Variants in MCF2L observed in about 807,000 individuals in gnomAD.
MCF2L encodes MCF.2 cell line derived transforming sequence like.
In MCF2L, 97 loss-of-function variants were observed where a neutral mutation model predicts 153.4. The observed-to-expected ratio is 0.63, with a 90% confidence interval of 0.54 to 0.75. MCF2L has a LOEUF of 0.75. Ranked by LOEUF, MCF2L falls within the 30% of genes least tolerant of loss-of-function variation. MCF2L has a pLI of 0.00. For synonymous variants in MCF2L, 659 were observed against 632.2 expected (o/e 1.04, Z -0.64); for missense variants, 1,347 against 1,495.2 (o/e 0.90, Z 1.64).
chr13:113,041,404 G>A (rs1433578149), intron 3 of MCF2L, among the ~76,000 whole-genome samples: 2 of 152,206 alleles, frequency 1.3e-5, no homozygotes, highest in African/African-American at 4.8e-5. Context: ...GGGGGGGCGG[G>A]GAATCACGTG....
chr13:113,066,391 C>G (rs2032364882), intron 8 of MCF2L, among the ~76,000 whole-genome samples: 1 of 152,178 alleles, frequency 6.6e-6, no homozygotes, highest in Middle Eastern at 3.2e-3. Flanking sequence ...CACAGAAAGC[C>G]ACTGTTTTGG....
At position 113,076,061 on chromosome 13, in the gene MCF2L, A is replaced by G; in HGVS notation, c.1404A>G (p.Glu468=). The change falls in exon 12 of 30, where the codon GAA becomes GAG. Residue 468 remains glutamate (E), a synonymous_variant. Coordinates refer to ENST00000535094, the MANE Select transcript of MCF2L (RefSeq NM_001112732.3). ...ACGGCGCGGAGGCTGCCCTCCAGGA[A>G]ATCGAGAAGTTTTTGGAGACCGGTG... The part of the protein sequence containing the change: ...SQDGAEAALQ[E]IEKFLETGAE... The G allele has an allele frequency of 6.2e-7, 1 of 1,614,064 alleles. No individual in the cohort carries two copies. The highest frequency in any genetic ancestry group is 8.5e-7 in the Non-Finnish European group (1 of 1,180,014).
chr13:113,082,913 T>G (rs1474667279), intron 17 of MCF2L, among the ~76,000 whole-genome samples: 1 of 152,180 alleles, frequency 6.6e-6, no homozygotes, highest in Non-Finnish European at 1.5e-5. Context: ...AGGTGTGTAT[T>G]CGGCCCTTTA....
At chr13:113,038,807 A>G (rs377193615) in intron 3 of MCF2L, among the ~76,000 whole-genome samples, 1 of 152,220 alleles carries the variant, frequency 6.6e-6, no homozygotes, top group East Asian at 1.9e-4. Flanking sequence ...GCAGCACAGA[A>G]TATTGAATCC....
Position 113,078,369 on chromosome 13 carries a change from G to T in MCF2L, c.1667G>T (p.Arg556Leu), listed in dbSNP as rs368347132. The change falls in exon 14 of 30, where the codon CGG becomes CTG. Residue 556 changes from arginine to leucine, a missense_variant. By Grantham distance (102) the Arg-to-Leu change is moderately radical. This residue lies in a region of MCF2L where 820 missense variants were observed against 921.2 expected (regional missense o/e 0.89). Transcript: ENST00000535094. ...CTCCCCTTCTTCCCAACAGGCATTCGGCGAGGCTCTGAGAACTCCAGCTCC... is the reference window on the plus strand; with the variant it reads ...CTCCCCTTCTTCCCAACAGGCATTCTGCGAGGCTCTGAGAACTCCAGCTCC... ...AKSPCPSPGI[R>L]RGSENSSSEG... The T allele has an allele frequency of 6.2e-7, 1 of 1,613,156 alleles. No individual in the cohort carries two copies. The highest frequency in any genetic ancestry group is 1.3e-5 in the African/African-American group (1 of 74,932).
chr13:113,089,007 C>T (rs1188186728), intron 25 of MCF2L, among the ~76,000 whole-genome samples: 2 of 152,244 alleles, frequency 1.3e-5, no homozygotes, highest in South Asian at 2.1e-4. Context: ...GTGGCTTCGT[C>T]GTGTCTCTTC....
At chr13:113,033,219 G>T (rs112287892) in intron 3 of MCF2L, among the ~76,000 whole-genome samples, 131 of 59,204 alleles carry the variant, frequency 2.2e-3, no homozygotes, top group Middle Eastern at 0.01. Context: ...CCCGTGACAT[G>T]AGTGGCCCCC....
Position 113,022,422 on chromosome 13 carries a change from GC to G in MCF2L, c.164-2219del, listed in dbSNP as rs544189617. Among the ~76,000 whole-genome samples, 442 of 115,612 alleles carry G rather than the reference GC, an allele frequency of 3.8e-3. 2 individuals are homozygous for G. The highest frequency in any genetic ancestry group is 3.9e-3 in the Non-Finnish European group (236 of 60,092). 75.8% of individuals were successfully genotyped at this position (115,612 alleles called of 152,430 possible). On this transcript the variant is annotated intron_variant, in intron 2 of 29. Transcript: ENST00000535094. ...CAGGGGTCCTCATGCCGTGGCCCAT[GC>G]CCATTTGCACAGGGACGCAGGGGGT... is the stretch of plus-strand genomic sequence containing the variant.
intron 1 of MCF2L, among the ~76,000 whole-genome samples, chr13:112,974,413 T>C (rs2082150604): frequency 6.6e-6 from 1 of 152,092 alleles, no homozygotes; most frequent in African/African-American, 2.4e-5. Context: ...GCCAACCTCA[T>C]TGGATGAGTT....
At chr13:112,985,534 G>A (rs1018405723) in intron 1 of MCF2L, 14 of 460,110 alleles carry the variant, frequency 3.0e-5, no homozygotes, top group Middle Eastern at 3.3e-4. Flanking sequence ...CGGAGCAGTC[G>A]AGGCGGCCTC....
intron 3 of MCF2L, chr13:113,043,715 T>C (rs1458706911): frequency 6.6e-6 from 1 of 152,252 alleles, no homozygotes; most frequent in African/African-American, 2.4e-5. Context: ...TTCTTTCTTT[T>C]TTTGAGACAG....
chr13:113,053,402 C>T lies in MCF2L; in HGVS notation c.370-7191C>T, dbSNP rs544595182. Among the ~76,000 whole-genome samples the T allele has an allele frequency of 1.3e-5, 2 of 152,294 alleles. No homozygotes were observed. Among genetic ancestry groups the T allele is most frequent in the South Asian group, 4.1e-4 (2 of 4,828 alleles). On this transcript the variant is annotated intron_variant, in intron 4 of 29. Coordinates refer to ENST00000535094, the MANE Select transcript of MCF2L (RefSeq NM_001112732.3). The surrounding 1 kb of genome is among the most constrained non-coding windows in gnomAD (Gnocchi z 4.4). Reference sequence around the variant, plus strand: ...TATGGAATATCCTTTCATCTGGTTTCCTTGTAATTAGGTTCCACGTGGTCC... The same window carrying T: ...TATGGAATATCCTTTCATCTGGTTTTCTTGTAATTAGGTTCCACGTGGTCC...
rs1172459177 is a variant in MCF2L, at chr13:113,031,455, T to A, written c.278+6697T>A. Among the ~76,000 whole-genome samples the A allele has an allele frequency of 6.6e-6, 1 of 150,962 alleles. No individual in the cohort carries two copies. Among genetic ancestry groups the A allele is most frequent in the Non-Finnish European group, 1.5e-5 (1 of 67,724 alleles). ...GGGGGCAGGACAGAGTGCCGGGGAG[T>A]CGGGGGCTGTAGGGACAGAGTCTGG... On this transcript the variant is annotated intron_variant, in intron 3 of 29. Coordinates refer to ENST00000535094, the MANE Select transcript of MCF2L (RefSeq NM_001112732.3). This position sits in a 1 kb window ranked among gnomAD's most constrained non-coding sequence, Gnocchi z 5.5.
Position 112,979,296 on chromosome 13 carries a change from G to A in MCF2L, c.79+9838G>A, listed in dbSNP as rs2082318184. ...GCCCACGCAAGCCCCCGCCCTGTTCGAGGAAGGAAAGGCCCAGAACTTGCA... is the reference window on the plus strand; with the variant it reads ...GCCCACGCAAGCCCCCGCCCTGTTCAAGGAAGGAAAGGCCCAGAACTTGCA... On this transcript the variant is annotated intron_variant, in intron 1 of 29. Transcript: ENST00000535094. The A allele has an allele frequency of 5.3e-6, 6 of 1,135,124 alleles. No individual in the cohort carries two copies. The South Asian group carries it at 1.0e-4, about 19-fold the overall frequency. 70.3% of individuals were successfully genotyped at this position (1,135,124 alleles called of 1,614,324 possible).
At chr13:113,087,619 A>G in intron 22 of MCF2L, 88 bp from the exon 23 acceptor site, 9 of 1,247,896 alleles carry the variant, frequency 7.2e-6, no homozygotes, top group Non-Finnish European at 8.1e-6. Flanking sequence ...AAGTATTTCC[A>G]TCATTTCGTG....
chr13:113,094,672 G>A (rs1414687008), intron 27 of MCF2L, 37 bp downstream of exon 27: 16 of 1,592,420 alleles, frequency 1.0e-5, no homozygotes, highest in African/African-American at 1.3e-5. Context: ...TGGGGTGGGG[G>A]CTGCCCTCCG....
At chr13:113,073,248 T>C (rs555872139) in intron 9 of MCF2L, among the ~76,000 whole-genome samples, 1 of 152,360 alleles carries the variant, frequency 6.6e-6, no homozygotes, top group East Asian at 1.9e-4. Flanking sequence ...ATATGGTCTT[T>C]CTTGGTATAT....
chr13:113,078,547 G>A, intron 14 of MCF2L, 111 bp downstream of exon 14: 1 of 1,380,834 alleles, frequency 7.2e-7, no homozygotes, highest in Non-Finnish European at 1.0e-6. Flanking sequence ...TACCTGGCCA[G>A]CTCCCCATCG....
chr13:113,075,185 A>G lies in MCF2L; in HGVS notation c.1304A>G (p.Glu435Gly). The change falls in exon 11 of 30, where the codon GAG becomes GGG. Residue 435 changes from glutamate (E) to glycine (G), a missense_variant. By Grantham distance (98) the Glu-to-Gly change is moderately conservative. Transcript: ENST00000535094. ...SKSLELHRRLETSMKWCDEGI... is the reference protein window; with the variant it reads ...SKSLELHRRLGTSMKWCDEGI... ...TCCCTGGAGCTGCACCGCCGCCTGGAGACGGTAGGCCGAGCCGGACCCCAC... is the reference window on the plus strand; with the variant it reads ...TCCCTGGAGCTGCACCGCCGCCTGGGGACGGTAGGCCGAGCCGGACCCCAC... 1 of 1,593,564 alleles carries G rather than the reference A, an allele frequency of 6.3e-7. No homozygotes were observed. The highest frequency in any genetic ancestry group is 8.6e-7 in the Non-Finnish European group (1 of 1,165,628).
Sources: gnomAD v4.1 joint callset for allele counts (sites outside exome capture counted in the v4.1 genomes callset) on GRCh38, gnomAD v4.1.1 for gene constraint, gnomAD v4.1.1 regional missense constraint, Gnocchi (gnomAD v3.1) non-coding constraint, MANE v1.5 for transcripts, NCBI Gene and HGNC (gene_info 2026-07-23, HGNC 2026-07-21) for gene names.